The following AUH variants were observed in gnomAD, a reference collection of about 807,000 sequenced individuals.
AUH encodes methylglutaconyl-CoA hydratase, mitochondrial.
AUH carries 29 observed loss-of-function variants against 42.3 expected under a neutral mutation model. The observed-to-expected ratio is 0.69, with a 90% CI of 0.51 to 0.93. AUH has a LOEUF of 0.93. Among genes scored for constraint, AUH ranks in the 40% least tolerant of loss-of-function variants. The pLI is 0.00. For missense variants in AUH, 452 were observed against 438.1 expected, an observed-to-expected ratio of 1.03 and a Z score of -0.28; for synonymous variants, 174 against 166.4, an observed-to-expected ratio of 1.05 and a Z score of -0.35.
chr9:91,357,446 T>G (rs1300665814), intron 1 of AUH: 1 of 936,300 alleles, frequency 1.1e-6, no homozygotes, highest in East Asian at 1.2e-4. Context: ...CAGCTAAGAC[T>G]AGATGTGTCC....
At chr9:91,296,850 C>A (rs1367638020) in intron 5 of AUH, among the ~76,000 whole-genome samples, 1 of 152,218 alleles carries the variant, frequency 6.6e-6, no homozygotes, top group Non-Finnish European at 1.5e-5. Flanking sequence ...CTACATTGTT[C>A]TAAAAATTTA....
chr9:91,297,973 T>C lies in AUH; in HGVS notation c.598+11A>G, dbSNP rs1406913489. On this transcript the variant is annotated intron_variant, in intron 5 of 9. Transcript: ENST00000375731. ...TTTTTAAATTATGTTTTTAACAGGA[T>C]TAATTCTTACCTGCTACTCGTATAT... 1 of 1,578,584 alleles carries C rather than the reference T, an allele frequency of 6.3e-7. No homozygotes were observed. Among genetic ancestry groups the C allele is most frequent in the East Asian group, 2.2e-5 (1 of 44,694 alleles).
At chr9:91,307,658 C>T (rs1828334616) in intron 4 of AUH, among the ~76,000 whole-genome samples, 1 of 152,150 alleles carries the variant, frequency 6.6e-6, no homozygotes, top group African/African-American at 2.4e-5. Context: ...ACTTTTATTA[C>T]AGAATATTGT....
chr9:91,264,448 T>C (rs1439162660), intron 6 of AUH, among the ~76,000 whole-genome samples: 1 of 152,210 alleles, frequency 6.6e-6, no homozygotes, highest in Admixed American at 6.5e-5. Context: ...TCTTTTGTAC[T>C]CCTGTTCCAA....
intron 4 of AUH, among the ~76,000 whole-genome samples, chr9:91,299,703 T>C (rs923671325): frequency 6.6e-6 from 1 of 152,150 alleles, no homozygotes; most frequent in Admixed American, 6.5e-5. Context: ...AATAAAAATA[T>C]AAAACAGCAA....
At chr9:91,349,023 G>A (rs12551859) in intron 3 of AUH, among the ~76,000 whole-genome samples, 7,951 of 152,002 alleles carry the variant, frequency 0.052, 435 homozygotes, top group East Asian at 0.31. Flanking sequence ...ATCCCTTCAC[G>A]TTACTTATCA....
chr9:91,279,217 G>C (rs984488258), intron 6 of AUH, among the ~76,000 whole-genome samples: 12 of 152,130 alleles, frequency 7.9e-5, no homozygotes, highest in African/African-American at 2.7e-4. Context: ...CAACGTGCCA[G>C]GTAATGACAT....
chr9:91,335,508 T>C (rs780463352), intron 3 of AUH, among the ~76,000 whole-genome samples: 1 of 152,216 alleles, frequency 6.6e-6, no homozygotes, highest in Non-Finnish European at 1.5e-5. Context: ...CTAGGCTCTA[T>C]TATCCTTACT....
At chr9:91,326,458 GAATT>G (rs1829972233) in intron 3 of AUH, among the ~76,000 whole-genome samples, 2 of 152,240 alleles carry the variant, frequency 1.3e-5, no homozygotes, top group South Asian at 4.1e-4. Context: ...ATCCATAGGA[GAATT>G]AATAAAACAA....
intron 6 of AUH, among the ~76,000 whole-genome samples, chr9:91,228,142 TTGTA>T (rs1827632067): frequency 6.6e-6 from 1 of 151,710 alleles, no homozygotes; most frequent in South Asian, 2.1e-4. Context: ...CAGTTCCTCC[TTGTA>T]CCTCTGGTAG....
intron 4 of AUH, among the ~76,000 whole-genome samples, chr9:91,298,894 A>G (rs1018065388): frequency 1.1e-4 from 17 of 152,360 alleles, no homozygotes; most frequent in Admixed American, 9.8e-4. Flanking sequence ...AGGCTGGCCA[A>G]TGTTAATATA....
chr9:91,305,095 A>T (rs1213190635), intron 4 of AUH, among the ~76,000 whole-genome samples: 1 of 152,216 alleles, frequency 6.6e-6, no homozygotes, highest in East Asian at 1.9e-4. Context: ...AACATGATAG[A>T]ATGTTTATAA....
chr9:91,307,704 C>T (rs1249730754), intron 4 of AUH, among the ~76,000 whole-genome samples: 1 of 152,106 alleles, frequency 6.6e-6, no homozygotes, highest in African/African-American at 2.4e-5. Context: ...GTTATTGTTG[C>T]TAATATCTTA....
At chr9:91,243,608 G>T (rs952783379) in intron 6 of AUH, among the ~76,000 whole-genome samples, 1 of 152,206 alleles carries the variant, frequency 6.6e-6, no homozygotes, top group Non-Finnish European at 1.5e-5. Flanking sequence ...TACAAGAAAA[G>T]GCCTGAGACG....
intron 6 of AUH, among the ~76,000 whole-genome samples, chr9:91,253,370 A>T (rs1182649052): frequency 5.3e-5 from 8 of 152,340 alleles, no homozygotes; most frequent in Non-Finnish European, 8.8e-5. Context: ...CCTAAAAACT[A>T]AACTTGTAAA....
chr9:91,325,480 A>G, intron 3 of AUH, 76 bp from the exon 4 acceptor site: 1 of 1,204,664 alleles, frequency 8.3e-7, no homozygotes, highest in Non-Finnish European at 1.2e-6. Flanking sequence ...AATTTACTTA[A>G]GATTAGTATA....
intron 4 of AUH, among the ~76,000 whole-genome samples, chr9:91,308,146 A>T (rs1029257547): frequency 6.6e-6 from 1 of 152,220 alleles, no homozygotes; most frequent in Non-Finnish European, 1.5e-5. Context: ...AAAGAAAAGC[A>T]TAACGACAGG....
intron 6 of AUH, among the ~76,000 whole-genome samples, chr9:91,247,001 C>T (rs960677820): frequency 2.0e-5 from 3 of 152,194 alleles, no homozygotes; most frequent in Non-Finnish European, 2.9e-5. Context: ...TGTTAAGCCA[C>T]AGTCAGCTGA....
At chr9:91,225,245 A>G (rs1399666486) in intron 6 of AUH, among the ~76,000 whole-genome samples, 2 of 152,212 alleles carry the variant, frequency 1.3e-5, no homozygotes, top group Non-Finnish European at 2.9e-5. Context: ...TCCACCTCCT[A>G]GGCTCAAATG....
Sources: gnomAD v4.1 joint callset for allele counts (sites outside exome capture counted in the v4.1 genomes callset) on GRCh38, gnomAD v4.1.1 for gene constraint, MANE v1.5 for transcripts, NCBI Gene and HGNC (gene_info 2026-07-23, HGNC 2026-07-21) for gene names.